Variants in SVOP observed in about 807,000 individuals in gnomAD.
SVOP encodes the protein synaptic vesicle 2-related protein.
SVOP carries 17 observed loss-of-function variants against 69.1 expected under a neutral mutation model. The ratio of observed to expected loss-of-function variants is 0.25; its 90% confidence interval spans 0.17 to 0.37. The LOEUF (loss-of-function observed/expected upper bound fraction) is 0.37, where lower values mean the gene tolerates loss of function less well. Ranked by LOEUF, SVOP falls within the 10% of genes least tolerant of loss-of-function variation. The pLI is 1.00. For synonymous variants in SVOP, 238 were observed against 238.6 expected, an observed-to-expected ratio of 1.00 and a Z score of 0.02; for missense variants, 435 against 597.5, an observed-to-expected ratio of 0.73 and a Z score of 2.84.
intron 11 of SVOP, among the ~76,000 whole-genome samples, chr12:108,930,476 T>C (rs1050603451): frequency 5.5e-5 from 8 of 146,616 alleles, no homozygotes; most frequent in Non-Finnish European, 1.2e-4. Flanking sequence ...CTCGCTTTGT[T>C]GCCCAGGCTG....
At chr12:108,933,368 C>T (rs564041740) in intron 11 of SVOP, among the ~76,000 whole-genome samples, 6 of 141,782 alleles carry the variant, frequency 4.2e-5, no homozygotes, top group East Asian at 2.1e-4. Context: ...AAGAATGAGA[C>T]CTTGTCTCAA....
In SVOP at chr12:108,915,884, C is replaced by A; in HGVS notation, c.1351-12G>T. The A allele has an allele frequency of 6.3e-7, 1 of 1,590,718 alleles. No individual in the cohort carries two copies. Among genetic ancestry groups the A allele is most frequent in the Non-Finnish European group, 8.6e-7 (1 of 1,169,016 alleles). On this transcript the variant is annotated splice_polypyrimidine_tract_variant and intron_variant, in intron 14 of 15. Coordinates refer to ENST00000610966, the MANE Select transcript of SVOP (RefSeq NM_018711.5). ...GCCGTGGGGTAGACCTGAAACACAG[C>A]AGCCGGATATAGGCATGGGGACATG...
intron 15 of SVOP, among the ~76,000 whole-genome samples, chr12:108,913,568 T>C (rs1023192611): frequency 2.6e-4 from 40 of 152,174 alleles, no homozygotes; most frequent in African/African-American, 9.4e-4. Context: ...TCCTTATAAC[T>C]CTTCTCTCCT....
At position 108,938,839 on chromosome 12, in the gene SVOP, G is replaced by T. The variant is rs745559472; in HGVS notation, c.885C>A (p.Ile295=). 1 of 1,614,030 alleles carries T rather than the reference G, an allele frequency of 6.2e-7. No homozygotes were observed. Among genetic ancestry groups the T allele is most frequent in the South Asian group, 1.1e-5 (1 of 91,088 alleles). ...NGAPMPLGKL[I]ISRQEDRGKM... ...TCCAGGCACTGACCTGTCTGGAGATGATGAGTTTCCCCAGCGGCATGGGAG... is the reference window on the plus strand; with the variant it reads ...TCCAGGCACTGACCTGTCTGGAGATTATGAGTTTCCCCAGCGGCATGGGAG... Residue 295 remains isoleucine (I), a synonymous_variant, in exon 9 of 16, where the codon ATC becomes ATA. Transcript: ENST00000610966.
At chr12:108,924,870 A>G (rs1243576632) in intron 11 of SVOP, among the ~76,000 whole-genome samples, 1 of 152,218 alleles carries the variant, frequency 6.6e-6, no homozygotes, top group East Asian at 1.9e-4. Flanking sequence ...TTGAGTAGAC[A>G]TAATAGATAA....
intron 11 of SVOP, among the ~76,000 whole-genome samples, chr12:108,932,006 TA>T (rs1363470913): frequency 6.6e-6 from 1 of 152,126 alleles, no homozygotes. Flanking sequence ...ATGATAATTT[TA>T]TTTTTTTATT....
intron 6 of SVOP, among the ~76,000 whole-genome samples, chr12:108,949,020 C>G (rs1468791752): frequency 6.6e-6 from 1 of 152,118 alleles, no homozygotes; most frequent in Non-Finnish European, 1.5e-5. Context: ...ATTCTAAGGG[C>G]AAAGCTATTT....
At chr12:108,960,386 T>C (rs2040010965) in intron 6 of SVOP, among the ~76,000 whole-genome samples, 1 of 152,206 alleles carries the variant, frequency 6.6e-6, no homozygotes, top group Non-Finnish European at 1.5e-5. Context: ...CCTACAGCTC[T>C]GAATATTCTC....
At chr12:108,952,697 A>C (rs2039963034) in intron 6 of SVOP, among the ~76,000 whole-genome samples, 1 of 152,076 alleles carries the variant, frequency 6.6e-6, no homozygotes, top group Non-Finnish European at 1.5e-5. Context: ...ATCTCAACAA[A>C]AAATTTTAAA....
intron 6 of SVOP, among the ~76,000 whole-genome samples, chr12:108,951,944 G>A (rs2137415205): frequency 6.6e-6 from 1 of 152,278 alleles, no homozygotes; most frequent in Middle Eastern, 3.4e-3. Flanking sequence ...CCAGAATGTA[G>A]CAGAAATGAT....
intron 15 of SVOP, among the ~76,000 whole-genome samples, chr12:108,913,073 G>GT (rs777453072): frequency 1.7e-4 from 26 of 151,094 alleles, no homozygotes; most frequent in Non-Finnish European, 2.1e-4. Context: ...TTTGTTTTTT[G>GT]TTTTTTTTGT....
At chr12:108,968,046 C>T (rs1038194483) in intron 5 of SVOP, among the ~76,000 whole-genome samples, 2 of 152,168 alleles carry the variant, frequency 1.3e-5, no homozygotes, top group African/African-American at 4.8e-5. Context: ...CATGAATGAC[C>T]ATTGTGCATT....
At chr12:108,972,704 C>CAG (rs2137430930) in intron 4 of SVOP, among the ~76,000 whole-genome samples, 1 of 152,318 alleles carries the variant, frequency 6.6e-6, no homozygotes, top group African/African-American at 2.4e-5. Flanking sequence ...AACTGAGACT[C>CAG]AGAGAGAGAG....
intron 11 of SVOP, among the ~76,000 whole-genome samples, chr12:108,933,515 T>TA (rs60070166): frequency 2.0e-5 from 3 of 150,928 alleles, no homozygotes; most frequent in Non-Finnish European, 4.4e-5. Flanking sequence ...CCATCTTTAC[T>TA]AAAAAAAATA....
chr12:108,969,076 C>G (rs962240399), intron 5 of SVOP, among the ~76,000 whole-genome samples: 2 of 152,054 alleles, frequency 1.3e-5, no homozygotes, highest in Non-Finnish European at 2.9e-5. Flanking sequence ...TGAGCCACCA[C>G]TCCTGGCCTC....
chr12:109,001,789 A>G (rs1311487594), intron 1 of SVOP, among the ~76,000 whole-genome samples: 2 of 151,798 alleles, frequency 1.3e-5, no homozygotes, highest in African/African-American at 4.8e-5. Context: ...CCTTCCTTAC[A>G]CCTTATACAA....
At chr12:108,986,426 T>C (rs1245751961) in intron 1 of SVOP, among the ~76,000 whole-genome samples, 1 of 152,218 alleles carries the variant, frequency 6.6e-6, no homozygotes, top group African/African-American at 2.4e-5. Flanking sequence ...AGATATTTTA[T>C]TTTGAGATAT....
intron 1 of SVOP, among the ~76,000 whole-genome samples, chr12:108,998,628 CA>C (rs1323590015): frequency 4.0e-5 from 6 of 151,550 alleles, no homozygotes. Flanking sequence ...AGAAACCCTA[CA>C]AGCCATAAGA....
chr12:108,923,701 G>C (rs770415155), intron 11 of SVOP, among the ~76,000 whole-genome samples: 1 of 152,028 alleles, frequency 6.6e-6, no homozygotes, highest in Non-Finnish European at 1.5e-5. Context: ...TGGTAATTCT[G>C]TTATGCACCA....
Sources: allele counts gnomAD v4.1 joint callset (sites outside exome capture counted in the v4.1 genomes callset), GRCh38; gene constraint gnomAD v4.1.1; transcripts MANE v1.5; gene names NCBI Gene and HGNC (gene_info 2026-07-23, HGNC 2026-07-21).